Variants in FAT3 observed in about 807,000 individuals in gnomAD.
FAT3 encodes FAT atypical cadherin 3.
A neutral mutation model predicts 310.2 loss-of-function variants in FAT3; 95 were observed. That is an observed-to-expected ratio of 0.31 (90% CI 0.26 to 0.36). FAT3 has a LOEUF of 0.36. FAT3 is among the 10% of genes least tolerant of loss of function. The pLI is 1.00. For synonymous variants in FAT3, 2,314 were observed against 2,192.9 expected (o/e 1.06, Z -1.54); for missense variants, 5,408 against 5,715.6 (o/e 0.95, Z 1.74).
At chr11:92,369,000 TGA>T (rs1949110302) in intron 2 of FAT3, among the ~76,000 whole-genome samples, 1 of 151,920 alleles carries the variant, frequency 6.6e-6, no homozygotes, top group East Asian at 1.9e-4. Flanking sequence ...GAATTGAAGA[TGA>T]GTCATATAAA....
At chr11:92,357,062 A>G (rs1948752678) in intron 2 of FAT3, among the ~76,000 whole-genome samples, 1 of 152,182 alleles carries the variant, frequency 6.6e-6, no homozygotes, top group African/African-American at 2.4e-5. Context: ...TGTATTCCTT[A>G]TAATTTAGTT....
chr11:92,474,373 T>C (rs1032155895), intron 2 of FAT3, among the ~76,000 whole-genome samples: 1 of 152,098 alleles, frequency 6.6e-6, no homozygotes, highest in Non-Finnish European at 1.5e-5. Flanking sequence ...CAAAGGGTAA[T>C]GATGAACTCC....
chr11:92,432,792 C>G (rs1330466236), intron 2 of FAT3, among the ~76,000 whole-genome samples: 1 of 152,156 alleles, frequency 6.6e-6, no homozygotes, highest in Non-Finnish European at 1.5e-5. Context: ...CTCTTCAGAG[C>G]CGGTAGGGAG....
chr11:92,686,792 C>T (rs955440303), intron 3 of FAT3, among the ~76,000 whole-genome samples: 6 of 152,124 alleles, frequency 3.9e-5, no homozygotes, highest in Admixed American at 3.9e-4. Flanking sequence ...GCCTACAAAG[C>T]ACACATGCAT....
chr11:92,675,121 T>C (rs1269296257), intron 3 of FAT3, among the ~76,000 whole-genome samples: 1 of 152,150 alleles, frequency 6.6e-6, no homozygotes, highest in Non-Finnish European at 1.5e-5. Context: ...GAAATCTAAT[T>C]CTCAAGCAGG....
intron 1 of FAT3, among the ~76,000 whole-genome samples, chr11:92,295,948 T>G (rs1946835891): frequency 1.3e-5 from 2 of 152,124 alleles, no homozygotes; most frequent in African/African-American, 4.8e-5. Context: ...CCAGGGCACA[T>G]GCAGCCGCCA....
intron 3 of FAT3, among the ~76,000 whole-genome samples, chr11:92,663,053 AG>A (rs778994827): frequency 7.2e-5 from 11 of 152,172 alleles, no homozygotes; most frequent in Non-Finnish European, 1.2e-4. Flanking sequence ...ACCATGCACC[AG>A]GGGTGGGAAG....
Position 92,234,303 on chromosome 11 carries a change from C to T in FAT3, c.-18+9129C>T, listed in dbSNP as rs540349826. Among the ~76,000 whole-genome samples, 7 of 152,230 alleles carry T rather than the reference C, an allele frequency of 4.6e-5. No homozygotes were observed. The South Asian group carries it at 1.0e-3, about 23-fold the overall frequency. On this transcript the variant is annotated intron_variant, in intron 1 of 27. Transcript: ENST00000525166. ...CAAGAGTGTATACATATTGGAAATA[C>T]GTTTTTGTTCAAATATATAATAAAA...
At chr11:92,693,985 A>T (rs977905755) in intron 3 of FAT3, among the ~76,000 whole-genome samples, 2 of 152,174 alleles carry the variant, frequency 1.3e-5, no homozygotes, top group Non-Finnish European at 2.9e-5. Context: ...TTTTCCAAAC[A>T]TAAAAGACTT....
At chr11:92,789,840 G>A in intron 7 of FAT3, 103 bp from the exon 8 acceptor site, 2 of 1,210,154 alleles carry the variant, frequency 1.7e-6, no homozygotes, top group Non-Finnish European at 2.3e-6. Flanking sequence ...TAGAAGCTAG[G>A]ATCCAAGGAC....
chr11:92,394,671 T>G (rs1949825046), intron 2 of FAT3, among the ~76,000 whole-genome samples: 1 of 151,928 alleles, frequency 6.6e-6, no homozygotes, highest in Non-Finnish European at 1.5e-5. Context: ...ATCAAAAAAC[T>G]CTGTATCTTA....
At chr11:92,856,567 C>T (rs185933133) in intron 19 of FAT3, among the ~76,000 whole-genome samples, 56 of 152,236 alleles carry the variant, frequency 3.7e-4, no homozygotes, top group Admixed American at 3.3e-3. Flanking sequence ...CTGTGAACAT[C>T]GAACAGGTAG....
chr11:92,509,053 G>T (rs1286687861), intron 2 of FAT3, among the ~76,000 whole-genome samples: 1 of 152,110 alleles, frequency 6.6e-6, no homozygotes, highest in Non-Finnish European at 1.5e-5. Flanking sequence ...CATCAATGAT[G>T]TTTTATCTTA....
chr11:92,430,217 C>T (rs955459597), intron 2 of FAT3, among the ~76,000 whole-genome samples: 1 of 152,190 alleles, frequency 6.6e-6, no homozygotes, highest in Non-Finnish European at 1.5e-5. Context: ...CTGTGTTTTG[C>T]AGCTCCCTCA....
At chr11:92,754,720 T>C (rs1270027961) in intron 4 of FAT3, among the ~76,000 whole-genome samples, 1 of 134,836 alleles carries the variant, frequency 7.4e-6, no homozygotes, top group Non-Finnish European at 1.6e-5. Flanking sequence ...AAAAAAAAAT[T>C]AGCTGGGCGT....
chr11:92,644,081 G>C (rs373784666), intron 3 of FAT3, among the ~76,000 whole-genome samples: 7 of 152,336 alleles, frequency 4.6e-5, no homozygotes, highest in South Asian at 2.1e-4. Flanking sequence ...TGCTGCCTGC[G>C]AGGGCAGCCC....
chr11:92,300,020 C>A (rs1946953948), intron 1 of FAT3, among the ~76,000 whole-genome samples: 1 of 152,076 alleles, frequency 6.6e-6, no homozygotes, highest in Non-Finnish European at 1.5e-5. Context: ...AATCTCTGTG[C>A]CAGGTATTGA....
intron 3 of FAT3, among the ~76,000 whole-genome samples, chr11:92,601,219 A>C (rs983897809): frequency 6.6e-6 from 1 of 151,904 alleles, no homozygotes; most frequent in African/African-American, 2.4e-5. Context: ...AGTGGAGATG[A>C]GAGTAAAAAC....
intron 18 of FAT3, among the ~76,000 whole-genome samples, chr11:92,842,779 T>C (rs1412265355): frequency 6.6e-6 from 1 of 152,154 alleles, no homozygotes; most frequent in Non-Finnish European, 1.5e-5. Flanking sequence ...CTCAGGAGGC[T>C]GAGGTGGGAG....
Sources: gnomAD v4.1 joint callset for allele counts (sites outside exome capture counted in the v4.1 genomes callset) on GRCh38, gnomAD v4.1.1 for gene constraint, MANE v1.5 for transcripts, NCBI Gene and HGNC (gene_info 2026-07-23, HGNC 2026-07-21) for gene names.